PTGR1: variants seen among roughly 807,000 people sequenced by gnomAD.
PTGR1 encodes prostaglandin reductase 1.
PTGR1 carries 23 observed loss-of-function variants against 37.7 expected under a neutral mutation model. That is an observed-to-expected ratio of 0.61 (90% CI 0.44 to 0.86). The LOEUF (loss-of-function observed/expected upper bound fraction) is 0.86, where lower values mean the gene tolerates loss of function less well. Ranked by LOEUF, PTGR1 falls within the 40% of genes least tolerant of loss-of-function variation. PTGR1 has a pLI of 0.00. For synonymous variants in PTGR1, 134 were observed against 140.0 expected (o/e 0.96, Z 0.30); for missense variants, 351 against 394.3 (o/e 0.89, Z 0.93).
At chr9:111,595,133 G>A (rs1372148833) in intron 2 of PTGR1, among the ~76,000 whole-genome samples, 1 of 152,054 alleles carries the variant, frequency 6.6e-6, no homozygotes, top group African/African-American at 2.4e-5. Context: ...GGGATTACAG[G>A]CATGAGCCAC....
intron 8 of PTGR1, among the ~76,000 whole-genome samples, chr9:111,571,080 C>T (rs1828799724): frequency 7.5e-6 from 1 of 133,038 alleles, no homozygotes; most frequent in South Asian, 2.6e-4. Flanking sequence ...GAATGCAGCC[C>T]TGCCAACCCA....
chr9:111,571,362 T>C lies in PTGR1; in HGVS notation c.761-1153A>G, dbSNP rs577648154. On this transcript the variant is annotated intron_variant, in intron 8 of 9. Coordinates refer to ENST00000407693, the MANE Select transcript of PTGR1 (RefSeq NM_001146108.2). ...GGAAGGGGACTGCAGTGAGCTGAGA[T>C]TGCACCACTCCACTCCAGCCTGGGT... 2.7e-5 allele frequency among the ~76,000 whole-genome samples: 4 copies of C among 149,710 alleles called. 1 individual carries two copies. Among genetic ancestry groups the C allele is most frequent in the Admixed American group, 2.0e-4 (3 of 14,748 alleles).
intron 7 of PTGR1, chr9:111,576,220 C>T (rs1019892394): frequency 2.4e-5 from 18 of 739,028 alleles, no homozygotes; most frequent in Admixed American, 1.2e-4. Context: ...AGGCAATTCA[C>T]TGAATAGGAA....
chr9:111,557,707 G>A (rs1468851770), downstream of PTGR1, among the ~76,000 whole-genome samples: 1 of 152,132 alleles, frequency 6.6e-6, no homozygotes, highest in African/African-American at 2.4e-5. Context: ...TGGAAATACA[G>A]GTGTGAGACA....
At chr9:111,552,594 C>G (rs1246705006) in intron 9 of PTGR1, among the ~76,000 whole-genome samples, 1 of 152,172 alleles carries the variant, frequency 6.6e-6, no homozygotes, top group Non-Finnish European at 1.5e-5. Flanking sequence ...TCAAAAATAT[C>G]TGCCATGAGT....
intron 7 of PTGR1, chr9:111,576,466 T>A (rs781688267): frequency 6.2e-7 from 1 of 1,612,606 alleles, no homozygotes; most frequent in Non-Finnish European, 8.5e-7. Flanking sequence ...GACCAGAGGA[T>A]GGGGCCACTG....
intron 8 of PTGR1, among the ~76,000 whole-genome samples, chr9:111,573,665 A>G (rs1264683251): frequency 6.6e-6 from 1 of 152,192 alleles, no homozygotes; most frequent in Non-Finnish European, 1.5e-5. Flanking sequence ...TGAGGAGCTT[A>G]GAAGACTGGT....
At chr9:111,565,574 G>A (rs1589293234) in intron 9 of PTGR1, among the ~76,000 whole-genome samples, 2 of 152,200 alleles carry the variant, frequency 1.3e-5, no homozygotes, top group South Asian at 4.2e-4. Context: ...CAAGGCTGGA[G>A]GACAGTGGCA....
chr9:111,592,607 A>G (rs552833391), intron 4 of PTGR1: 31 of 224,666 alleles, frequency 1.4e-4, no homozygotes, highest in Admixed American at 1.3e-3. Context: ...CCACCTGGGA[A>G]CAAAGAGAGA....
intron 9 of PTGR1, among the ~76,000 whole-genome samples, chr9:111,554,311 C>G (rs1026975977): frequency 2.0e-5 from 3 of 152,166 alleles, no homozygotes; most frequent in African/African-American, 4.8e-5. Flanking sequence ...TCTTAGAAGT[C>G]ACTTCTACTC....
At chr9:111,550,132 G>T (rs899472381) in intron 9 of PTGR1, among the ~76,000 whole-genome samples, 2 of 152,170 alleles carry the variant, frequency 1.3e-5, no homozygotes, top group Non-Finnish European at 2.9e-5. Context: ...GGATCAGCCT[G>T]TGTTGAATGC....
chr9:111,594,053 C>T (rs768641825), intron 3 of PTGR1, among the ~76,000 whole-genome samples, 169 bp downstream of exon 3: 5 of 151,466 alleles, frequency 3.3e-5, no homozygotes, highest in Non-Finnish European at 7.4e-5. Flanking sequence ...GCTACTTAGA[C>T]CTTTGCCTGC....
chr9:111,586,915 G>A (rs1001084930), intron 4 of PTGR1, among the ~76,000 whole-genome samples: 1 of 151,460 alleles, frequency 6.6e-6, no homozygotes, highest in Non-Finnish European at 1.5e-5. Flanking sequence ...TCACTTCCTG[G>A]GTTCAAGCAA....
At chr9:111,595,568 T>C (rs932395089) in intron 2 of PTGR1, among the ~76,000 whole-genome samples, 32 of 152,344 alleles carry the variant, frequency 2.1e-4, no homozygotes, top group African/African-American at 7.5e-4. Context: ...TTTGTCATGC[T>C]ACTTGATTGC....
intron 9 of PTGR1, among the ~76,000 whole-genome samples, chr9:111,565,007 C>G (rs1297939290): frequency 6.6e-6 from 1 of 151,956 alleles, no homozygotes; most frequent in African/African-American, 2.4e-5. Context: ...ACCTGTAATC[C>G]CAGCTAGTCA....
chr9:111,583,171 A>G (rs1451950626), intron 6 of PTGR1, among the ~76,000 whole-genome samples: 1 of 152,284 alleles, frequency 6.6e-6, no homozygotes, highest in Middle Eastern at 3.2e-3. Context: ...AATCATGAAG[A>G]AAGAAGATTA....
intron 8 of PTGR1, among the ~76,000 whole-genome samples, chr9:111,571,457 T>C (rs2132354528): frequency 6.7e-6 from 1 of 148,984 alleles, no homozygotes; most frequent in South Asian, 2.2e-4. Flanking sequence ...ATGTGGGTGT[T>C]TTTGTGTCTG....
downstream of PTGR1, among the ~76,000 whole-genome samples, chr9:111,561,175 GAGAA>G (rs1389838315): frequency 1.7e-3 from 219 of 126,860 alleles, 4 homozygotes; most frequent in African/African-American, 4.8e-3. Flanking sequence ...GAGAGAGAGA[GAGAA>G]AGAGAGAGAG....
chr9:111,552,670 G>A (rs765356634), intron 9 of PTGR1, among the ~76,000 whole-genome samples: 3 of 152,102 alleles, frequency 2.0e-5, no homozygotes, highest in Non-Finnish European at 4.4e-5. Flanking sequence ...TAAATTTGGA[G>A]GTTCTTTGAG....
Sources: gnomAD v4.1 joint callset for allele counts (sites outside exome capture counted in the v4.1 genomes callset) on GRCh38, gnomAD v4.1.1 for gene constraint, MANE v1.5 for transcripts, NCBI Gene and HGNC (gene_info 2026-07-23, HGNC 2026-07-21) for gene names.